Variants in KNTC1 observed in about 807,000 individuals in gnomAD.
The protein encoded by KNTC1 is kinetochore-associated protein 1.
KNTC1 carries 253 observed loss-of-function variants against 314.4 expected under a neutral mutation model. That is an observed-to-expected ratio of 0.80 (90% CI 0.73 to 0.89). The LOEUF (loss-of-function observed/expected upper bound fraction) is 0.89. Ranked by LOEUF, KNTC1 falls within the 40% of genes least tolerant of loss-of-function variation. KNTC1 has a pLI of 0.00. For synonymous variants in KNTC1, 901 were observed against 901.4 expected (o/e 1.00, Z 0.01); for missense variants, 2,475 against 2,572.9 (o/e 0.96, Z 0.82).
Position 122,580,664 on chromosome 12 carries a change from C to T in KNTC1, c.2976C>T (p.Ser992=). 3 of 1,556,776 alleles carry T rather than the reference C, an allele frequency of 1.9e-6. 1 individual carries two copies. The South Asian group carries it at 3.6e-5, about 19-fold the overall frequency. ...EMLKLFKEVA[S]LQENFEVFLS... is the part of the protein sequence containing the mutation. ...TGAAACTATTTAAAGAGGTTGCTAG[C>T]TTACAGGTAAACATATTGAGCCATG... The change falls in exon 33 of 64, where the codon AGC becomes AGT. Residue 992 remains serine (S), a synonymous_variant. Coordinates refer to ENST00000333479, the MANE Select transcript of KNTC1 (RefSeq NM_014708.6).
chr12:122,544,137 G>C, intron 7 of KNTC1, 22 bp from the exon 8 acceptor site: 1 of 992,000 alleles, frequency 1.0e-6, no homozygotes, highest in Non-Finnish European at 1.5e-6. Flanking sequence ...TATATATGAC[G>C]TTGTTGTTTT....
At chr12:122,534,582 G>A in intron 2 of KNTC1, 82 bp from the exon 3 acceptor site, 1 of 1,310,732 alleles carries the variant, frequency 7.6e-7, no homozygotes, top group South Asian at 1.3e-5. Flanking sequence ...GGGATATTTG[G>A]GAATTTGATG....
intron 29 of KNTC1, 29 bp downstream of exon 29, chr12:122,575,928 T>C (rs777386859): frequency 2.5e-5 from 39 of 1,565,864 alleles, no homozygotes; most frequent in Non-Finnish European, 2.7e-5. Context: ...GAGTCTTTTT[T>C]CTCTTTCATT....
At chr12:122,624,956 G>A (rs548886297) in intron 63 of KNTC1, among the ~76,000 whole-genome samples, 10 of 152,288 alleles carry the variant, frequency 6.6e-5, no homozygotes, top group Non-Finnish European at 1.2e-4. Flanking sequence ...GTGCTTTCCA[G>A]CATTACCATT....
At chr12:122,536,797 C>T (rs974329538) in intron 3 of KNTC1, among the ~76,000 whole-genome samples, 3 of 152,174 alleles carry the variant, frequency 2.0e-5, no homozygotes, top group Non-Finnish European at 4.4e-5. Context: ...GGATTACAGG[C>T]GTGAGCCACT....
chr12:122,619,735 A>T (rs1356678060), intron 59 of KNTC1, among the ~76,000 whole-genome samples: 1 of 150,802 alleles, frequency 6.6e-6, no homozygotes, highest in Non-Finnish European at 1.5e-5. Context: ...ATACCAAAAT[A>T]TCTTGATTAT....
rs777574519 is a variant in KNTC1 at position 122,620,475 on chromosome 12, G to A, written c.6150-4G>A. 22 of 1,611,048 alleles carry A rather than the reference G, an allele frequency of 1.4e-5. No homozygotes were observed. The highest frequency in any genetic ancestry group is 6.7e-5 in the Admixed American group (4 of 59,682). On this transcript the variant is annotated splice_region_variant and splice_polypyrimidine_tract_variant and intron_variant, in intron 59 of 63. Transcript: ENST00000333479. The stretch of plus-strand genomic sequence containing the variant: ...TATTAACTAATTAATGTTCTCTCTC[G>A]AAGATGTCCAGTCTCAGGTGATCTT...
At chr12:122,554,076 A>AAAAAAAAATATATATATATAT (rs370146333) in intron 16 of KNTC1, among the ~76,000 whole-genome samples, 4 of 109,050 alleles carry the variant, frequency 3.7e-5, no homozygotes, top group African/African-American at 1.6e-4. Flanking sequence ...AAAAAAAAAA[A>AAAAAAAAATATATATATATAT]ATATATATAT....
chr12:122,576,976 T>C lies in KNTC1; in HGVS notation c.2668T>C (p.Ser890Pro). ...AAAGGTAGCCCAAGCGTTTATGTTATCTGATGATGAGATCTACAGTCTAAG... is the reference window on the plus strand; with the variant it reads ...AAAGGTAGCCCAAGCGTTTATGTTACCTGATGATGAGATCTACAGTCTAAG... Reference protein sequence around the residue: ...ALKVAQAFMLSDDEIYSLRII... With the variant: ...ALKVAQAFMLPDDEIYSLRII... Residue 890 changes from serine to proline, a missense_variant, in exon 30 of 64, where the codon TCT (serine) becomes CCT (proline). Physicochemically the swap from Ser to Pro is moderately conservative, Grantham distance 74. Transcript: ENST00000333479. The C allele has an allele frequency of 3.8e-6, 6 of 1,595,624 alleles. No individual in the cohort carries two copies. Among genetic ancestry groups the C allele is most frequent in the African/African-American group, 1.3e-5 (1 of 74,604 alleles).
At chr12:122,589,497 G>T (rs1238937371) in intron 40 of KNTC1, among the ~76,000 whole-genome samples, 1 of 144,938 alleles carries the variant, frequency 6.9e-6, no homozygotes, top group Non-Finnish European at 1.5e-5. Flanking sequence ...TGGAGACAGG[G>T]TCTCACTCTG....
At chr12:122,589,087 G>A (rs761738964) in intron 40 of KNTC1, among the ~76,000 whole-genome samples, 34 of 151,706 alleles carry the variant, frequency 2.2e-4, no homozygotes, top group Non-Finnish European at 4.1e-4. Context: ...TAGAGATGAG[G>A]TTTTTCTCTG....
rs541135571 is a variant in KNTC1 at position 122,538,341 on chromosome 12, A to G, written c.253A>G (p.Thr85Ala). 5.7e-5 allele frequency: 89 copies of G among 1,561,446 alleles called. No individual in the cohort carries two copies. Among genetic ancestry groups the G allele is most frequent in the Non-Finnish European group, 7.6e-5 (87 of 1,144,582 alleles). ...TAACTTTGATTTGAAATTTTCAGAT[A>G]CTGAAGTGGATGTAGTTGGCCTTTG... Reference protein sequence around the residue: ...RSLQLHLVFDTEVDVVGLCQE... With the variant: ...RSLQLHLVFDAEVDVVGLCQE... Residue 85 changes from threonine (T) to alanine (A), a missense_variant and splice_region_variant, in exon 4 of 64, where the codon ACT becomes GCT. By Grantham distance (58) the Thr-to-Ala change is moderately conservative. Transcript: ENST00000333479.
chr12:122,533,169 T>C (rs1961512844), intron 2 of KNTC1, among the ~76,000 whole-genome samples: 3 of 151,880 alleles, frequency 2.0e-5, no homozygotes, highest in African/African-American at 4.8e-5. Context: ...CCGTTCCTTT[T>C]CTTTTTTTTT....
In KNTC1 at chr12:122,584,331, C is replaced by T. The variant is rs749384779; in HGVS notation, c.3317C>T (p.Thr1106Ile). The T allele has an allele frequency of 1.2e-6, 2 of 1,613,384 alleles. No homozygotes were observed. The highest frequency in any genetic ancestry group is 1.3e-5 in the African/African-American group (1 of 74,900). The change falls in exon 35 of 64, where the codon ACA becomes ATA. Residue 1106 changes from threonine (T) to isoleucine (I), a missense_variant. Transcript: ENST00000333479. ...GACACTGGGAAATTGCTATTTCTGA[C>T]ATGTCAGAAGCTTTGTCAGATGTTG... is the stretch of plus-strand genomic sequence containing the variant. ...NADTGKLLFL[T>I]CQKLCQMLAD...
intron 1 of KNTC1, chr12:122,527,586 C>T (rs1449544224): frequency 6.6e-6 from 1 of 152,292 alleles, no homozygotes; most frequent in African/African-American, 2.4e-5. Context: ...CATTCCGCCG[C>T]CAGAGTGATC....
intron 27 of KNTC1, among the ~76,000 whole-genome samples, chr12:122,575,050 C>T (rs1346960855): frequency 6.6e-6 from 1 of 152,156 alleles, no homozygotes; most frequent in Non-Finnish European, 1.5e-5. Flanking sequence ...CACCTGAGCT[C>T]AGGAATTTGA....
At chr12:122,597,358 C>T (rs1185262482) in intron 43 of KNTC1, 1 of 229,104 alleles carries the variant, frequency 4.4e-6, no homozygotes, top group African/African-American at 2.3e-5. Flanking sequence ...AAGCAATTCT[C>T]CTGCCTCAGC....
At chr12:122,623,240 C>T (rs1379220429) in intron 62 of KNTC1, among the ~76,000 whole-genome samples, 1 of 152,154 alleles carries the variant, frequency 6.6e-6, no homozygotes. Flanking sequence ...TTTGTTAAAC[C>T]TGGTTATCTA....
At chr12:122,618,569 A>C (rs78539061) in intron 59 of KNTC1, 24 bp downstream of exon 59, 3 of 379,902 alleles carry the variant, frequency 7.9e-6, no homozygotes, top group African/African-American at 2.2e-5. Flanking sequence ...TTGTTCTACC[A>C]AAAAAAAAAA....
Sources: gnomAD v4.1 joint callset for allele counts (sites outside exome capture counted in the v4.1 genomes callset) on GRCh38, gnomAD v4.1.1 for gene constraint, MANE v1.5 for transcripts, NCBI Gene and HGNC (gene_info 2026-07-23, HGNC 2026-07-21) for gene names.